The following ADAM19 variants were observed in gnomAD, a reference collection of about 807,000 sequenced individuals.
ADAM19 encodes ADAM metallopeptidase domain 19, also known as disintegrin and metalloproteinase domain-containing protein 19.
ADAM19 carries 65 observed loss-of-function variants against 114.7 expected under a neutral mutation model. The observed-to-expected ratio is 0.57, with a 90% CI of 0.46 to 0.70. ADAM19 has a LOEUF of 0.70. Ranked by LOEUF, ADAM19 falls within the 30% of genes least tolerant of loss-of-function variation. The pLI is 0.00. For synonymous variants in ADAM19, 466 were observed against 460.5 expected, an observed-to-expected ratio of 1.01 and a Z score of -0.15; for missense variants, 1,063 against 1,204.7, an observed-to-expected ratio of 0.88 and a Z score of 1.74.
intron 21 of ADAM19, among the ~76,000 whole-genome samples, chr5:157,485,076 C>G (rs1754891289): frequency 2.0e-5 from 3 of 152,238 alleles, no homozygotes; most frequent in African/African-American, 7.2e-5. Flanking sequence ...CTTACTCAAT[C>G]AGATTGCACA....
At chr5:157,532,559 C>T (rs925555357) in intron 4 of ADAM19, among the ~76,000 whole-genome samples, 87 of 152,278 alleles carry the variant, frequency 5.7e-4, no homozygotes, top group African/African-American at 2.0e-3. Context: ...GAGAGATGCA[C>T]TGGTCAGAAC....
intron 7 of ADAM19, among the ~76,000 whole-genome samples, chr5:157,516,254 G>A (rs1404155883): frequency 6.6e-6 from 1 of 152,192 alleles, no homozygotes; most frequent in Non-Finnish European, 1.5e-5. Flanking sequence ...GCGGAGGGGT[G>A]TCCAGGACTG....
intron 1 of ADAM19, among the ~76,000 whole-genome samples, chr5:157,572,647 TA>T (rs1407169166): frequency 6.6e-6 from 1 of 152,304 alleles, no homozygotes; most frequent in Admixed American, 6.5e-5. Flanking sequence ...GACAGGCAAA[TA>T]TTAGAAACAA....
At chr5:157,570,832 G>T in intron 2 of ADAM19, 63 bp downstream of exon 2, 1 of 1,404,728 alleles carries the variant, frequency 7.1e-7, no homozygotes, top group Non-Finnish European at 1.0e-6. Context: ...AGAAAGTTGA[G>T]TAGGTAGCCC....
intron 20 of ADAM19, among the ~76,000 whole-genome samples, chr5:157,488,855 C>T (rs1459822891): frequency 6.6e-6 from 1 of 152,046 alleles, no homozygotes; most frequent in Non-Finnish European, 1.5e-5. Context: ...CACGGTGAAA[C>T]CCCGTCTCTA....
rs551893648 is a variant in ADAM19 at position 157,499,651 on chromosome 5, G to A, written c.1320C>T (p.Asn440=). Residue 440 remains asparagine (N), a synonymous_variant, in exon 13 of 23, where the codon AAC becomes AAT. Coordinates refer to ENST00000257527, the MANE Select transcript of ADAM19 (RefSeq NM_033274.5). The stretch of plus-strand genomic sequence containing the variant: ...TACAATTAGAGGCATTGCAGCAGGG[G>A]TTGTTACATTCCTGGGGAGGCAGTG... ...CDCGEEEECN[N]PCCNASNCTL... 16 of 1,610,640 alleles carry A rather than the reference G, an allele frequency of 9.9e-6. No homozygotes were observed. The South Asian group carries it at 1.4e-4, about 14-fold the overall frequency.
intron 3 of ADAM19, among the ~76,000 whole-genome samples, chr5:157,551,232 C>T (rs1026102307): frequency 1.3e-5 from 2 of 152,002 alleles, no homozygotes; most frequent in Admixed American, 1.3e-4. Context: ...TGGTGAAATC[C>T]TGTCTCTACT....
At position 157,493,033 on chromosome 5, in the gene ADAM19, C is replaced by G. The variant is rs1357946219; in HGVS notation, c.1848G>C (p.Glu616Asp). Reference sequence around the variant, plus strand: ...GCCCTGGGTCCAGCATGTCACCCTCCTCCTCAGGACCTCGGTAGACGTGGG... The same window carrying G: ...GCCCTGGGTCCAGCATGTCACCCTCGTCCTCAGGACCTCGGTAGACGTGGG... ...RGTHVYRGPE[E>D]EGDMLDPGLV... The change falls in exon 16 of 23, where the codon GAG becomes GAC. Residue 616 changes from glutamate (E) to aspartate (D), a missense_variant. This residue lies in a region of ADAM19 where 424 missense variants were observed against 445.5 expected (regional missense o/e 0.95). Coordinates refer to ENST00000257527, the MANE Select transcript of ADAM19 (RefSeq NM_033274.5). 2.5e-6 allele frequency: 4 copies of G among 1,614,124 alleles called. No homozygotes were observed. Among genetic ancestry groups the G allele is most frequent in the Non-Finnish European group, 2.5e-6 (3 of 1,180,048 alleles).
At chr5:157,525,678 T>C (rs1756432536) in intron 5 of ADAM19, among the ~76,000 whole-genome samples, 2 of 119,056 alleles carry the variant, frequency 1.7e-5, no homozygotes, top group South Asian at 2.7e-4. Flanking sequence ...AAAAATTTAA[T>C]GGGGAGAGGA....
chr5:157,564,416 T>C lies in ADAM19; in HGVS notation c.208A>G (p.Met70Val), dbSNP rs1757596153. ...AGGATCAGTTCTCGCCCCTCAGCCA[T>C]TACCCTGAGCTCAGCTTTGAGTGGA... Reference protein sequence around the residue: ...KHPLKAELRVMAEGRELILDL... With the variant: ...KHPLKAELRVVAEGRELILDL... Residue 70 changes from methionine (M) to valine (V), a missense_variant, in exon 3 of 23, where the codon ATG becomes GTG. By Grantham distance (21) the Met-to-Val change is conservative. This residue lies in a region of ADAM19 where 615 missense variants were observed against 706.3 expected (regional missense o/e 0.87). Transcript: ENST00000257527. 1 of 1,614,096 alleles carries C rather than the reference T, an allele frequency of 6.2e-7. No individual in the cohort carries two copies. The highest frequency in any genetic ancestry group is 1.3e-5 in the African/African-American group (1 of 74,946).
rs552864871 is a variant in ADAM19, at chr5:157,518,789, AG to A, written c.666+33del. 7.2e-4 allele frequency: 1,110 copies of A among 1,534,726 alleles called. 12 individuals carry two copies. In the Middle Eastern group the frequency reaches 0.016, roughly 23 times the overall value. The stretch of plus-strand genomic sequence containing the variant: ...CTGGAATGGAAGCTATCAAGAGAGC[AG>A]TTTTTCTGCAAGACCCATTGCCTCC... On this transcript the variant is annotated intron_variant, in intron 7 of 22. Coordinates refer to ENST00000257527, the MANE Select transcript of ADAM19 (RefSeq NM_033274.5).
chr5:157,503,034 G>A, intron 11 of ADAM19, 54 bp from the exon 12 acceptor site: 1 of 1,555,600 alleles, frequency 6.4e-7, no homozygotes, highest in East Asian at 2.3e-5. Flanking sequence ...TAGCAGTCAG[G>A]CAGGTGTCAC....
In ADAM19 at chr5:157,519,779, C is replaced by G. The variant is rs758488039; in HGVS notation, c.600+60G>C. On this transcript the variant is annotated intron_variant, in intron 6 of 22. Transcript: ENST00000257527. ...ATACTCCTGGATTCAAAGTAAGCAA[C>G]CTCAGAGGGGACAAGCCTGTCCCCA... The G allele has an allele frequency of 4.1e-6, 6 of 1,479,008 alleles. No individual in the cohort carries two copies. In the East Asian group the frequency reaches 1.4e-4, roughly 34 times the overall value. The allele number at this position is 1,479,008 out of a possible 1,614,324, so 91.6% of individuals were successfully genotyped here. A position where few individuals can be genotyped will look rare whatever the true frequency, so the allele number is the denominator to read the frequency against.
At chr5:157,487,357 A>G (rs1581287105) in intron 21 of ADAM19, among the ~76,000 whole-genome samples, 2 of 152,172 alleles carry the variant, frequency 1.3e-5, no homozygotes, top group African/African-American at 4.8e-5. Context: ...CCCAAACTGT[A>G]CCACTGCCAC....
chr5:157,561,204 C>A (rs1389076253), intron 3 of ADAM19, among the ~76,000 whole-genome samples: 2 of 152,208 alleles, frequency 1.3e-5, no homozygotes, highest in Non-Finnish European at 2.9e-5. Flanking sequence ...AGACAGGCTG[C>A]CGGCTGCCGC....
rs1754688959 is a variant in ADAM19 at position 157,479,688 on chromosome 5, G to A, written c.*1261C>T. 3.0e-6 allele frequency: 3 copies of A among 985,974 alleles called. No individual in the cohort carries two copies. Among genetic ancestry groups the A allele is most frequent in the South Asian group, 9.4e-5 (2 of 21,282 alleles). 61.1% of individuals were successfully genotyped at this position (985,974 alleles called of 1,614,324 possible). On this transcript the variant is annotated 3_prime_UTR_variant, in exon 23 of 23. Transcript: ENST00000257527. ...AAGGAAGTGAATGACAAAAAGCTGG[G>A]TTGAGGAAGAGGCTCCCTGCTCTGA...
chr5:157,532,753 G>GTGTGTC (rs1373099408), intron 4 of ADAM19, among the ~76,000 whole-genome samples: 1 of 152,116 alleles, frequency 6.6e-6, no homozygotes, highest in Non-Finnish European at 1.5e-5. Flanking sequence ...CAGCTACCCC[G>GTGTGTC]TGTGTCTGTA....
intron 11 of ADAM19, among the ~76,000 whole-genome samples, chr5:157,504,847 C>T (rs1025929609): frequency 8.1e-6 from 1 of 123,142 alleles, no homozygotes; most frequent in South Asian, 2.7e-4. Flanking sequence ...ATGTCCAGCG[C>T]GGTGGCTCAC....
intron 21 of ADAM19, among the ~76,000 whole-genome samples, chr5:157,482,164 C>T (rs1411936633): frequency 6.6e-6 from 1 of 152,172 alleles, no homozygotes; most frequent in African/African-American, 2.4e-5. Context: ...TGAAGATGAT[C>T]TTTTTTTCAT....
Sources: gnomAD v4.1 joint callset for allele counts (sites outside exome capture counted in the v4.1 genomes callset) on GRCh38, gnomAD v4.1.1 for gene constraint, gnomAD v4.1.1 regional missense constraint, MANE v1.5 for transcripts, NCBI Gene and HGNC (gene_info 2026-07-23, HGNC 2026-07-21) for gene names.